Variants in DIAPH2 observed in about 807,000 individuals in gnomAD.
DIAPH2 encodes the protein diaphanous related formin 2, also known as protein diaphanous homolog 2.
In DIAPH2, 35 loss-of-function variants were observed where a neutral mutation model predicts 92.7. The ratio of observed to expected loss-of-function variants is 0.38; its 90% CI spans 0.29 to 0.50. The LOEUF is 0.50. Ranked by LOEUF, DIAPH2 falls within the 20% of genes least tolerant of loss-of-function variation. DIAPH2 has a pLI of 0.94. For missense variants in DIAPH2, 701 were observed against 819.5 expected (o/e 0.86, Z 1.77); for synonymous variants, 301 against 280.4 (o/e 1.07, Z -0.73).
At chrX:97,071,816 T>C (rs2066671217) in intron 17 of DIAPH2, among the ~76,000 whole-genome samples, 1 of 111,765 alleles carries the variant, frequency 8.9e-6, no homozygotes, top group Admixed American at 9.6e-5. Flanking sequence ...GCATTTGTGG[T>C]CTTTTTAACA....
chrX:96,855,477 G>A (rs2147717664), intron 4 of DIAPH2, among the ~76,000 whole-genome samples: 1 of 109,044 alleles, frequency 9.2e-6, no homozygotes, highest in South Asian at 3.8e-4. Flanking sequence ...CAATTTTATT[G>A]AATTTTGTAC....
rs1172916942 is a variant in DIAPH2, at chrX:96,756,911, CTTTT to C, written c.343-1222_343-1219del. Reference sequence around the variant, plus strand: ...CTGTGCTTATTGGCCATTTATATATCTTTTTTTTTTTTTTTTTTTTTTTTGAGAT... The same window carrying C: ...CTGTGCTTATTGGCCATTTATATATCTTTTTTTTTTTTTTTTTTTTGAGAT... On this transcript the variant is annotated intron_variant, in intron 3 of 26. Coordinates refer to ENST00000324765, the MANE Select transcript of DIAPH2 (RefSeq NM_006729.5). Among the ~76,000 whole-genome samples, 522 of 58,714 alleles carry C rather than the reference CTTTT, an allele frequency of 8.9e-3. 4 individuals are homozygous for C. The highest frequency in any genetic ancestry group is 0.032 in the African/African-American group (458 of 14,490). The allele number at this position is 58,714 out of a possible 115,157, so 51.0% of individuals were successfully genotyped here.
chrX:97,149,269 C>CG (rs1442286990), intron 22 of DIAPH2, among the ~76,000 whole-genome samples: 3 of 111,580 alleles, frequency 2.7e-5, no homozygotes, highest in Non-Finnish European at 5.6e-5. Flanking sequence ...GAGTTATAAT[C>CG]TAACTTTTTA....
chrX:97,082,657 CAAAA>C (rs1312257940), intron 19 of DIAPH2, among the ~76,000 whole-genome samples: 2 of 110,504 alleles, frequency 1.8e-5, no homozygotes, highest in African/African-American at 6.6e-5. Flanking sequence ...AACAAACAAA[CAAAA>C]ACAAGTGTAA....
intron 26 of DIAPH2, among the ~76,000 whole-genome samples, chrX:97,507,350 A>G (rs1013113320): frequency 9.0e-6 from 1 of 110,724 alleles, no homozygotes; most frequent in Admixed American, 9.7e-5. Flanking sequence ...TTTCCATATG[A>G]TGTAATAAAA....
chrX:97,360,681 G>A, intron 24 of DIAPH2, among the ~76,000 whole-genome samples: 1 of 111,405 alleles, frequency 9.0e-6, no homozygotes, highest in Non-Finnish European at 1.9e-5. Context: ...AAATATAACT[G>A]TATTAAACAA....
intron 26 of DIAPH2, among the ~76,000 whole-genome samples, chrX:97,532,409 G>A (rs1173513396): frequency 8.9e-6 from 1 of 112,410 alleles, no homozygotes; most frequent in South Asian, 3.6e-4. Flanking sequence ...TTGTATTCTA[G>A]TCTAGGCCAA....
chrX:97,366,470 G>C (rs1353809026), intron 24 of DIAPH2, among the ~76,000 whole-genome samples: 1 of 111,687 alleles, frequency 9.0e-6, no homozygotes. Flanking sequence ...CTAATAATAG[G>C]CACAGGAAGT....
At position 96,987,183 on chromosome X, in the gene DIAPH2, C is replaced by T. The variant is rs185449944; in HGVS notation, c.2050+21976C>T. On this transcript the variant is annotated intron_variant, in intron 17 of 26. Transcript: ENST00000324765. ...TTACTTTGTTTCACAAATCTTATAT[C>T]AATTGATGTTTGGGTATTAGGAGCT... is the stretch of plus-strand genomic sequence containing the variant. Among the ~76,000 whole-genome samples the T allele has an allele frequency of 1.8e-4, 20 of 111,324 alleles. No individual in the cohort carries two copies. The East Asian group carries it at 4.8e-3, about 27-fold the overall frequency.
At chrX:97,178,470 T>TG (rs1555996680) in intron 22 of DIAPH2, among the ~76,000 whole-genome samples, 1 of 92,667 alleles carries the variant, frequency 1.1e-5, no homozygotes, top group Non-Finnish European at 2.2e-5. Context: ...TTTTTTTTTT[T>TG]GAGACAGAGT....
chrX:97,307,303 C>T (rs746294769), intron 23 of DIAPH2, among the ~76,000 whole-genome samples: 45 of 111,911 alleles, frequency 4.0e-4, no homozygotes, highest in Non-Finnish European at 3.9e-4. Flanking sequence ...ATGCACCTGC[C>T]TTTCAGGTTT....
intron 21 of DIAPH2, among the ~76,000 whole-genome samples, chrX:97,135,918 G>A (rs769034014): frequency 4.5e-5 from 5 of 112,017 alleles, no homozygotes; most frequent in Non-Finnish European, 3.8e-5. Flanking sequence ...GCCGAGGTCA[G>A]GAGGAACATA....
At chrX:96,908,071 G>A (rs895533081) in intron 5 of DIAPH2, among the ~76,000 whole-genome samples, 1 of 111,559 alleles carries the variant, frequency 9.0e-6, no homozygotes, top group African/African-American at 3.3e-5. Flanking sequence ...AAACTATAGG[G>A]ACCCAAATCA....
chrX:96,777,970 G>A lies in DIAPH2; in HGVS notation c.447+19712G>A, dbSNP rs186504734. On this transcript the variant is annotated intron_variant, in intron 4 of 26. Coordinates refer to ENST00000324765, the MANE Select transcript of DIAPH2 (RefSeq NM_006729.5). The stretch of plus-strand genomic sequence containing the variant: ...ATATGTATACATGTGCCATGTTGGT[G>A]TGCTGCACCCATTAACTTGTCATTT... Among the ~76,000 whole-genome samples the A allele has an allele frequency of 3.7e-5, 4 of 107,811 alleles. 1 individual carries two copies. Among genetic ancestry groups the A allele is most frequent in the Admixed American group, 2.0e-4 (2 of 10,006 alleles). The allele number at this position is 107,811 out of a possible 115,157, so 93.6% of individuals were successfully genotyped here.
chrX:96,780,341 C>T (rs764822702), intron 4 of DIAPH2, among the ~76,000 whole-genome samples: 2 of 111,745 alleles, frequency 1.8e-5, no homozygotes, highest in Admixed American at 1.9e-4. Flanking sequence ...AACTACTGAT[C>T]TTACAGAAAA....
intron 21 of DIAPH2, among the ~76,000 whole-genome samples, chrX:97,126,053 A>G (rs1007486952): frequency 4.5e-5 from 5 of 111,907 alleles, no homozygotes; most frequent in Non-Finnish European, 9.4e-5. Context: ...TATTCTGTGA[A>G]TTGCTATAGT....
chrX:97,449,074 C>A (rs186504372), intron 26 of DIAPH2, among the ~76,000 whole-genome samples: 1 of 111,745 alleles, frequency 8.9e-6, no homozygotes, highest in African/African-American at 3.3e-5. Flanking sequence ...CTGACATTTG[C>A]TATGTTAATT....
At chrX:97,469,979 A>G (rs1019178584) in intron 26 of DIAPH2, 1 of 431,735 alleles carries the variant, frequency 2.3e-6, no homozygotes, top group Non-Finnish European at 3.6e-6. Flanking sequence ...GAAAACAGAT[A>G]TATAGTCTAC....
intron 4 of DIAPH2, among the ~76,000 whole-genome samples, chrX:96,765,465 C>T (rs1193233536): frequency 3.6e-5 from 4 of 111,124 alleles, no homozygotes; most frequent in African/African-American, 1.3e-4. Flanking sequence ...TCTTAAAGTG[C>T]TGAGATTACA....
Sources: allele counts gnomAD v4.1 joint callset (sites outside exome capture counted in the v4.1 genomes callset), GRCh38; gene constraint gnomAD v4.1.1; transcripts MANE v1.5; gene names NCBI Gene and HGNC (gene_info 2026-07-23, HGNC 2026-07-21).